The following ADCY8 variants were observed in gnomAD, a reference collection of about 807,000 sequenced individuals.
The protein encoded by ADCY8 is adenylate cyclase type 8.
ADCY8 carries 51 observed loss-of-function variants against 119.7 expected under a neutral mutation model. The ratio of observed to expected loss-of-function variants is 0.43; its 90% CI spans 0.34 to 0.54. The LOEUF (loss-of-function observed/expected upper bound fraction) is 0.54, where lower values mean the gene tolerates loss of function less well. Ranked by LOEUF, ADCY8 falls within the 20% of genes least tolerant of loss-of-function variation. The pLI, the probability that ADCY8 is intolerant of heterozygous loss-of-function variation, is 0.03. For synonymous variants in ADCY8, 665 were observed against 651.0 expected (o/e 1.02, Z -0.33); for missense variants, 1,383 against 1,598.8 (o/e 0.87, Z 2.30).
At chr8:131,015,567 A>T (rs1169555102) in intron 1 of ADCY8, among the ~76,000 whole-genome samples, 2 of 152,250 alleles carry the variant, frequency 1.3e-5, no homozygotes, top group African/African-American at 4.8e-5. Flanking sequence ...CAGTCCAGAA[A>T]GGCTTATTGT....
chr8:130,920,680 G>C (rs971287660), intron 5 of ADCY8, among the ~76,000 whole-genome samples: 1 of 152,186 alleles, frequency 6.6e-6, no homozygotes, highest in African/African-American at 2.4e-5. Flanking sequence ...ATTTGGTTAG[G>C]CCTTTGTATC....
intron 11 of ADCY8, among the ~76,000 whole-genome samples, chr8:130,844,770 T>C (rs947052541): frequency 6.6e-6 from 1 of 152,232 alleles, no homozygotes; most frequent in African/African-American, 2.4e-5. Context: ...GAATTTGGCC[T>C]GTGGCTGTAG....
chr8:130,812,386 C>T (rs889489591), intron 14 of ADCY8, among the ~76,000 whole-genome samples: 18 of 152,190 alleles, frequency 1.2e-4, no homozygotes, highest in Non-Finnish European at 2.4e-4. Context: ...CTCATGCTCC[C>T]CTCAACAGTC....
At chr8:130,948,416 C>T (rs752586530) in intron 3 of ADCY8, among the ~76,000 whole-genome samples, 4 of 152,088 alleles carry the variant, frequency 2.6e-5, no homozygotes, top group Admixed American at 6.5e-5. Flanking sequence ...TCAATTTGAG[C>T]GTTCAAAGAG....
intron 11 of ADCY8, among the ~76,000 whole-genome samples, chr8:130,841,000 G>C (rs1158980029): frequency 6.6e-6 from 1 of 152,064 alleles, no homozygotes; most frequent in South Asian, 2.1e-4. Flanking sequence ...ATTTCAATAG[G>C]TAAAATAAAA....
At chr8:130,839,448 C>T (rs927003373) in intron 11 of ADCY8, among the ~76,000 whole-genome samples, 1 of 139,516 alleles carries the variant, frequency 7.2e-6, no homozygotes, top group Non-Finnish European at 1.6e-5. Context: ...GGCCCCTGGA[C>T]AACATCAGAG....
At chr8:130,830,156 T>C (rs1816787663) in intron 12 of ADCY8, among the ~76,000 whole-genome samples, 1 of 152,150 alleles carries the variant, frequency 6.6e-6, no homozygotes, top group Non-Finnish European at 1.5e-5. Context: ...AGTAAGGTTT[T>C]CCTCTAATTG....
chr8:131,022,645 G>C (rs1823709770), intron 1 of ADCY8, among the ~76,000 whole-genome samples: 1 of 152,130 alleles, frequency 6.6e-6, no homozygotes, highest in Non-Finnish European at 1.5e-5. Context: ...CAGGCAGCAA[G>C]TGCCGGCCAG....
chr8:131,016,258 T>C (rs1823472155), intron 1 of ADCY8, among the ~76,000 whole-genome samples: 1 of 152,076 alleles, frequency 6.6e-6, no homozygotes, highest in South Asian at 2.1e-4. Context: ...GCATGGTGGC[T>C]CACACTTGCA....
At chr8:130,842,576 A>G (rs1817178615) in intron 11 of ADCY8, among the ~76,000 whole-genome samples, 2 of 152,168 alleles carry the variant, frequency 1.3e-5, no homozygotes, top group South Asian at 4.1e-4. Flanking sequence ...ATACAGTTAT[A>G]GCAATTATTT....
At chr8:131,032,418 A>C (rs968486272) in intron 1 of ADCY8, among the ~76,000 whole-genome samples, 7 of 152,312 alleles carry the variant, frequency 4.6e-5, no homozygotes, top group African/African-American at 1.7e-4. Context: ...AAATTCAGAT[A>C]TCAAATTCTA....
intron 12 of ADCY8, among the ~76,000 whole-genome samples, chr8:130,821,783 A>T (rs1816518137): frequency 6.6e-6 from 1 of 152,212 alleles, no homozygotes; most frequent in East Asian, 1.9e-4. Flanking sequence ...TTTATGCTAA[A>T]AAAACCTTCC....
chr8:130,848,375 A>G (rs12543363), intron 10 of ADCY8, among the ~76,000 whole-genome samples: 26,674 of 152,236 alleles, frequency 0.18, 2,739 homozygotes, highest in East Asian at 0.25. Context: ...GCAGCCTGTG[A>G]TCAATTGATC....
At chr8:131,036,141 G>T (rs1025570827) in intron 1 of ADCY8, among the ~76,000 whole-genome samples, 2 of 152,152 alleles carry the variant, frequency 1.3e-5, no homozygotes, top group Non-Finnish European at 2.9e-5. Context: ...CCACTTGCCA[G>T]GTTCCTGATC....
At chr8:130,989,295 C>T (rs1225097621) in intron 2 of ADCY8, among the ~76,000 whole-genome samples, 2 of 152,146 alleles carry the variant, frequency 1.3e-5, no homozygotes, top group Non-Finnish European at 2.9e-5. Context: ...GTAGGCCCTA[C>T]CTGTCTGTCT....
At chr8:130,944,566 C>T (rs567762217) in intron 3 of ADCY8, among the ~76,000 whole-genome samples, 4 of 152,254 alleles carry the variant, frequency 2.6e-5, no homozygotes, top group South Asian at 4.1e-4. Context: ...ACATCAGTCA[C>T]CACATTTATT....
At chr8:130,844,341 A>G (rs1332916342) in intron 11 of ADCY8, among the ~76,000 whole-genome samples, 2 of 152,158 alleles carry the variant, frequency 1.3e-5, no homozygotes, top group Non-Finnish European at 1.5e-5. Context: ...CATTCCTGGC[A>G]TCTTCACTCT....
At chr8:130,969,387 A>T (rs764307109) in intron 2 of ADCY8, among the ~76,000 whole-genome samples, 1 of 152,288 alleles carries the variant, frequency 6.6e-6, no homozygotes, top group African/African-American at 2.4e-5. Context: ...GAATGCACCA[A>T]TTCCTTAAAA....
chr8:130,978,077 G>A (rs78114565), intron 2 of ADCY8, among the ~76,000 whole-genome samples: 50 of 152,300 alleles, frequency 3.3e-4, no homozygotes, highest in African/African-American at 1.2e-3. Context: ...CACCATGCTT[G>A]CAGTCTGCTT....
Sources: gnomAD v4.1 joint callset for allele counts (sites outside exome capture counted in the v4.1 genomes callset) on GRCh38, gnomAD v4.1.1 for gene constraint, MANE v1.5 for transcripts, NCBI Gene and HGNC (gene_info 2026-07-23, HGNC 2026-07-21) for gene names.